The following VPS54 variants were observed in gnomAD, a reference collection of about 807,000 sequenced individuals.
The protein encoded by VPS54 is vacuolar protein sorting-associated protein 54.
A neutral mutation model predicts 121.5 loss-of-function variants in VPS54; 45 were observed. The ratio of observed to expected loss-of-function variants is 0.37; its 90% CI spans 0.29 to 0.47. The LOEUF is 0.47. Ranked by LOEUF, VPS54 falls within the 20% of genes least tolerant of loss-of-function variation. The pLI is 0.99. For synonymous variants in VPS54, 371 were observed against 385.8 expected (o/e 0.96, Z 0.45); for missense variants, 1,090 against 1,131.4 (o/e 0.96, Z 0.52).
At position 63,939,233 on chromosome 2, in the gene VPS54, A is replaced by G. The variant is rs1674605579; in HGVS notation, c.1398+3232T>C. Among the ~76,000 whole-genome samples, 3 of 152,098 alleles carry G rather than the reference A, an allele frequency of 2.0e-5. No homozygotes were observed. In the South Asian group the frequency reaches 6.2e-4, roughly 31 times the overall value. The stretch of plus-strand genomic sequence containing the variant: ...CTAAAAACACAAAAATTAGCTAGAC[A>G]TGGTGGCGTGCGCCTATAATCCCAG... On this transcript the variant is annotated intron_variant, in intron 11 of 22. Coordinates refer to ENST00000272322, the MANE Select transcript of VPS54 (RefSeq NM_016516.3).
At chr2:63,994,572 G>A (rs1011410328) in intron 1 of VPS54, among the ~76,000 whole-genome samples, 3 of 152,272 alleles carry the variant, frequency 2.0e-5, no homozygotes, top group East Asian at 3.9e-4. Context: ...TCTGTGCCTC[G>A]GACATGCACC....
intron 1 of VPS54, among the ~76,000 whole-genome samples, chr2:63,984,347 A>G (rs760435686): frequency 5.3e-5 from 8 of 152,232 alleles, no homozygotes; most frequent in Non-Finnish European, 1.2e-4. Context: ...AGCAAAACAG[A>G]TAAGTGCATG....
chr2:63,962,885 C>T (rs527838437), intron 6 of VPS54, among the ~76,000 whole-genome samples: 102 of 152,192 alleles, frequency 6.7e-4, no homozygotes, highest in African/African-American at 2.1e-3. Flanking sequence ...ATGGATTAGG[C>T]ACAGGTATTT....
intron 1 of VPS54, among the ~76,000 whole-genome samples, chr2:63,992,408 T>C (rs1327085910): frequency 6.6e-6 from 1 of 152,188 alleles, no homozygotes; most frequent in Non-Finnish European, 1.5e-5. Flanking sequence ...CTGGACTCCG[T>C]CTCCGTCCAA....
At chr2:63,928,119 C>A (rs1286630301) in intron 12 of VPS54, among the ~76,000 whole-genome samples, 1 of 152,156 alleles carries the variant, frequency 6.6e-6, no homozygotes, top group Non-Finnish European at 1.5e-5. Context: ...ACTTCCCCAA[C>A]CTAGCAAGGC....
At chr2:63,952,947 G>A (rs891293972) in intron 7 of VPS54, among the ~76,000 whole-genome samples, 23 of 151,946 alleles carry the variant, frequency 1.5e-4, no homozygotes, top group African/African-American at 5.6e-4. Flanking sequence ...CAACCCAAAT[G>A]CTGACCAATG....
At chr2:63,997,779 C>A (rs557843661) in intron 1 of VPS54, among the ~76,000 whole-genome samples, 16 of 151,866 alleles carry the variant, frequency 1.1e-4, no homozygotes, top group African/African-American at 3.4e-4. Flanking sequence ...TCTTTAAAAT[C>A]CATCATTAGG....
At chr2:63,934,210 C>CA (rs1056989023) in intron 11 of VPS54, among the ~76,000 whole-genome samples, 197 bp from the exon 12 acceptor site, 2 of 152,114 alleles carry the variant, frequency 1.3e-5, no homozygotes, top group Admixed American at 1.3e-4. Context: ...GAAATGGGTT[C>CA]ACTAAAGCTT....
At chr2:63,949,302 C>G (rs1003964852) in intron 7 of VPS54, 139 bp from the exon 8 acceptor site, 9 of 806,542 alleles carry the variant, frequency 1.1e-5, no homozygotes, top group Non-Finnish European at 1.7e-5. Flanking sequence ...AAAATGAAGT[C>G]CTTTAACTTA....
chr2:63,915,150 T>TC (rs1673322956), intron 16 of VPS54, among the ~76,000 whole-genome samples: 2 of 29,366 alleles, frequency 6.8e-5, no homozygotes, highest in Non-Finnish European at 1.1e-4. Context: ...AAGCTCCGTC[T>TC]CAAAAAAAAA....
At chr2:63,902,999 A>ATAACG (rs1672751048) in intron 20 of VPS54, among the ~76,000 whole-genome samples, 1 of 152,092 alleles carries the variant, frequency 6.6e-6, no homozygotes. Flanking sequence ...ATAACATAAC[A>ATAACG]TAACACAACA....
At chr2:63,967,534 C>A (rs1383256686) in intron 5 of VPS54, among the ~76,000 whole-genome samples, 1 of 151,702 alleles carries the variant, frequency 6.6e-6, no homozygotes. Context: ...GCCTGGCCAA[C>A]GTGGCAAAAC....
chr2:63,927,247 T>G lies in VPS54; in HGVS notation c.1740-5912A>C, dbSNP rs577549393. Among the ~76,000 whole-genome samples the G allele has an allele frequency of 2.6e-5, 4 of 152,216 alleles. No individual in the cohort carries two copies. The East Asian group carries it at 7.7e-4, about 29-fold the overall frequency. On this transcript the variant is annotated intron_variant, in intron 12 of 22. Coordinates refer to ENST00000272322, the MANE Select transcript of VPS54 (RefSeq NM_016516.3). ...CCGTGCAGCCTGACTGGGAGACACC[T>G]CCCAGTAGGGGGCCGACAGACACCT...
At chr2:63,971,897 T>A (rs563375360) in intron 4 of VPS54, among the ~76,000 whole-genome samples, 3 of 152,272 alleles carry the variant, frequency 2.0e-5, no homozygotes, top group African/African-American at 7.2e-5. Flanking sequence ...TGTGCCATCA[T>A]GTCTAGCTTA....
At position 63,892,729 on chromosome 2, in the gene VPS54, C is replaced by CT. The variant is rs5831671; in HGVS notation, c.*700dup. 116,914 of 151,040 alleles carry CT rather than the reference C, an allele frequency of 0.77. 46,456 individuals are homozygous for CT. Among genetic ancestry groups the CT allele is most frequent in the African/African-American group, 0.88 (36,001 of 41,078 alleles). 9.4% of individuals were successfully genotyped at this position (151,040 alleles called of 1,614,324 possible). ...TAGTTGCATAAATAGATGCCAGGAT[C>CT]TTTTTTTTTAAGTATTAATTACTTA... On this transcript the variant is annotated 3_prime_UTR_variant, in exon 23 of 23. Coordinates refer to ENST00000272322, the MANE Select transcript of VPS54 (RefSeq NM_016516.3).
chr2:63,986,320 G>A (rs1313200180), intron 1 of VPS54, among the ~76,000 whole-genome samples: 1 of 151,938 alleles, frequency 6.6e-6, no homozygotes, highest in Non-Finnish European at 1.5e-5. Flanking sequence ...CATCACTCGA[G>A]TTTCAATTAT....
At chr2:63,955,192 T>C (rs1436774262) in intron 7 of VPS54, among the ~76,000 whole-genome samples, 1 of 152,028 alleles carries the variant, frequency 6.6e-6, no homozygotes, top group Admixed American at 6.5e-5. Context: ...ACAACTTAGA[T>C]AAACAATTCA....
chr2:63,970,244 T>TATATATATAG (rs56662650), intron 4 of VPS54, among the ~76,000 whole-genome samples: 9,538 of 97,728 alleles, frequency 0.098, 883 homozygotes, highest in Non-Finnish European at 0.12. Context: ...CACATTCTAA[T>TATATATATAG]ATATATATAG....
chr2:63,905,832 T>TA (rs991478042), intron 20 of VPS54, among the ~76,000 whole-genome samples: 3 of 152,094 alleles, frequency 2.0e-5, no homozygotes, highest in African/African-American at 4.8e-5. Context: ...GGCTCAACCT[T>TA]AAAAAATCAA....
Sources: gnomAD v4.1 joint callset for allele counts (sites outside exome capture counted in the v4.1 genomes callset) on GRCh38, gnomAD v4.1.1 for gene constraint, MANE v1.5 for transcripts, NCBI Gene and HGNC (gene_info 2026-07-23, HGNC 2026-07-21) for gene names.